Variants in TMED8 observed in about 807,000 individuals in gnomAD.
TMED8 encodes protein TMED8.
In TMED8, 15 loss-of-function variants were observed where a neutral mutation model predicts 32.7. The ratio of observed to expected loss-of-function variants is 0.46; its 90% CI spans 0.31 to 0.71. TMED8 has a LOEUF of 0.71. TMED8 is among the 30% of genes least tolerant of loss of function. The pLI is 0.06. For missense variants in TMED8, 390 were observed against 423.9 expected, an observed-to-expected ratio of 0.92 and a Z score of 0.70; for synonymous variants, 147 against 161.4, an observed-to-expected ratio of 0.91 and a Z score of 0.68.
At chr14:77,345,495 C>T (rs904664236) in intron 3 of TMED8, among the ~76,000 whole-genome samples, 1 of 151,858 alleles carries the variant, frequency 6.6e-6, no homozygotes, top group Admixed American at 6.6e-5. Context: ...AACCCCATCC[C>T]GCCCCCATCC....
chr14:77,342,130 T>C, intron 5 of TMED8, 142 bp from the exon 6 acceptor site: 2 of 699,376 alleles, frequency 2.9e-6, no homozygotes, highest in East Asian at 2.7e-5. Context: ...TCTGGTGATC[T>C]TTTGGTCATC....
In TMED8 at chr14:77,336,754, A is replaced by G. The variant is rs1302509214; in HGVS notation, c.*5017T>C. 2.6e-5 allele frequency: 4 copies of G among 152,064 alleles called. No individual in the cohort carries two copies. The East Asian group carries it at 7.7e-4, about 29-fold the overall frequency. 9.4% of individuals were successfully genotyped at this position (152,064 alleles called of 1,614,324 possible). A position where few individuals can be genotyped will look rare whatever the true frequency, so the allele number is the denominator to read the frequency against. ...TTATGCCCCTCCCTTATGCTCCACT[A>G]AAACAAGTCTCTTATGTAAATATTA... On this transcript the variant is annotated 3_prime_UTR_variant, in exon 6 of 6. Transcript: ENST00000216468.
intron 1 of TMED8, among the ~76,000 whole-genome samples, chr14:77,364,938 TTTTAA>T (rs1403048326): frequency 2.6e-5 from 4 of 152,210 alleles, no homozygotes; most frequent in African/African-American, 9.6e-5. Context: ...AACACTACTG[TTTTAA>T]TTTGTCATCC....
chr14:77,355,386 G>A (rs1207086515), intron 1 of TMED8, among the ~76,000 whole-genome samples: 1 of 151,728 alleles, frequency 6.6e-6, no homozygotes. Flanking sequence ...AGTAGAGATG[G>A]GTTTTCACCA....
chr14:77,370,094 C>T (rs1302171539), intron 1 of TMED8, among the ~76,000 whole-genome samples: 2 of 151,662 alleles, frequency 1.3e-5, no homozygotes, highest in Admixed American at 6.6e-5. Flanking sequence ...ATCGCTTGAA[C>T]CCAGAAGGCG....
In TMED8 at chr14:77,343,230, A is replaced by G; in HGVS notation, c.708T>C (p.Ser236=). Reference sequence around the variant, plus strand: ...CTTCATCCTCATCGTCACTGGAATCACTGACCTGCACAGTTATGTCAGTGC... The same window carrying G: ...CTTCATCCTCATCGTCACTGGAATCGCTGACCTGCACAGTTATGTCAGTGC... The part of the protein sequence containing the change: ...VTSTDITVQV[S]DSSDDEDEEE... The change falls in exon 5 of 6, where the codon AGT becomes AGC. Residue 236 remains serine, a synonymous_variant. Coordinates refer to ENST00000216468, the MANE Select transcript of TMED8 (RefSeq NM_213601.3). 1 of 1,614,114 alleles carries G rather than the reference A, an allele frequency of 6.2e-7. No individual in the cohort carries two copies. The highest frequency in any genetic ancestry group is 1.1e-5 in the South Asian group (1 of 91,084).
chr14:77,362,114 A>G (rs1893452612), intron 1 of TMED8, among the ~76,000 whole-genome samples: 1 of 151,852 alleles, frequency 6.6e-6, no homozygotes, highest in Non-Finnish European at 1.5e-5. Context: ...TTTTTTTTGT[A>G]GAGTTTTTGG....
At chr14:77,366,818 T>A (rs781527037) in intron 1 of TMED8, among the ~76,000 whole-genome samples, 12 of 152,144 alleles carry the variant, frequency 7.9e-5, no homozygotes, top group Admixed American at 6.5e-5. Flanking sequence ...TTCTATAGTT[T>A]AAGAAATTGA....
At chr14:77,344,191 G>T (rs921038342) in intron 3 of TMED8, among the ~76,000 whole-genome samples, 1 of 152,080 alleles carries the variant, frequency 6.6e-6, no homozygotes, top group African/African-American at 2.4e-5. Context: ...CCTCCCTGTG[G>T]CTCCTCTCAT....
chr14:77,345,461 C>T (rs752039377), intron 3 of TMED8, among the ~76,000 whole-genome samples: 23 of 152,088 alleles, frequency 1.5e-4, no homozygotes, highest in Non-Finnish European at 2.6e-4. Context: ...TATTCTAACA[C>T]ATATGCTAAT....
intron 3 of TMED8, among the ~76,000 whole-genome samples, chr14:77,344,581 A>C (rs1381830924): frequency 6.6e-6 from 1 of 152,182 alleles, no homozygotes; most frequent in African/African-American, 2.4e-5. Flanking sequence ...GTTTCCCTTC[A>C]AATCACTCAG....
At position 77,335,905 on chromosome 14, in the gene TMED8, T is replaced by A. The variant is rs563283015; in HGVS notation, c.*5866A>T. ...TCATATGGAATTTCTTAGTAAAATGTACTGTTTAGGATATGAGAGACGGAA... is the reference window on the plus strand; with the variant it reads ...TCATATGGAATTTCTTAGTAAAATGAACTGTTTAGGATATGAGAGACGGAA... On this transcript the variant is annotated 3_prime_UTR_variant, in exon 6 of 6. Coordinates refer to ENST00000216468, the MANE Select transcript of TMED8 (RefSeq NM_213601.3). 2 of 152,328 alleles carry A rather than the reference T, an allele frequency of 1.3e-5. No homozygotes were observed. Among genetic ancestry groups the A allele is most frequent in the African/African-American group, 4.8e-5 (2 of 41,568 alleles). The allele number at this position is 152,328 out of a possible 1,614,324, so 9.4% of individuals were successfully genotyped here. A position where few individuals can be genotyped will look rare whatever the true frequency, so the allele number is the denominator to read the frequency against.
chr14:77,352,502 G>C (rs1893202121), intron 1 of TMED8, among the ~76,000 whole-genome samples: 1 of 152,126 alleles, frequency 6.6e-6, no homozygotes, highest in African/African-American at 2.4e-5. Context: ...ACTTTGGGAG[G>C]CCGAGGTGGG....
At chr14:77,343,538 G>A (rs1009233792) in intron 4 of TMED8, 55 bp from the exon 5 acceptor site, 30 of 1,593,588 alleles carry the variant, frequency 1.9e-5, no homozygotes, top group South Asian at 5.6e-5. Context: ...TGAGTACCCC[G>A]GGCATTTTGC....
chr14:77,363,194 T>C (rs945720560), intron 1 of TMED8, among the ~76,000 whole-genome samples: 8 of 152,190 alleles, frequency 5.3e-5, no homozygotes, highest in African/African-American at 1.2e-4. Context: ...TTCTCCAGAA[T>C]AGATCAGATG....
chr14:77,362,654 A>G (rs1009825938), intron 1 of TMED8, among the ~76,000 whole-genome samples: 1 of 152,306 alleles, frequency 6.6e-6, no homozygotes, highest in African/African-American at 2.4e-5. Context: ...ATGTAAATGG[A>G]TTAAGTTCTC....
At chr14:77,370,535 GTCTA>G (rs1893652778) in intron 1 of TMED8, among the ~76,000 whole-genome samples, 1 of 151,764 alleles carries the variant, frequency 6.6e-6, no homozygotes, top group Non-Finnish European at 1.5e-5. Context: ...TTGTGTGTGT[GTCTA>G]TCTATGTACA....
chr14:77,363,632 T>A (rs1050468506), intron 1 of TMED8, among the ~76,000 whole-genome samples: 2 of 152,106 alleles, frequency 1.3e-5, no homozygotes, highest in African/African-American at 2.4e-5. Context: ...CCAGCCTGGG[T>A]GACAGAGTCA....
chr14:77,355,148 T>C (rs1185448822), intron 1 of TMED8, among the ~76,000 whole-genome samples: 1 of 113,840 alleles, frequency 8.8e-6, no homozygotes, highest in Non-Finnish European at 2.0e-5. Context: ...TACAAATGTA[T>C]ATGTATTGTG....
Sources: allele counts gnomAD v4.1 joint callset (sites outside exome capture counted in the v4.1 genomes callset), GRCh38; gene constraint gnomAD v4.1.1; transcripts MANE v1.5; gene names NCBI Gene and HGNC (gene_info 2026-07-23, HGNC 2026-07-21).